The following MFSD11 variants were observed in gnomAD, a reference collection of about 807,000 sequenced individuals.
The protein encoded by MFSD11 is major facilitator superfamily domain containing 11.
Under a neutral mutation model 53.5 loss-of-function variants are expected in MFSD11, and 36 were observed. That is an observed-to-expected ratio of 0.67 (90% confidence interval 0.52 to 0.89). The LOEUF is 0.89. Ranked by LOEUF, MFSD11 falls within the 40% of genes least tolerant of loss-of-function variation. The pLI is 0.00. For missense variants in MFSD11, 530 were observed against 543.9 expected (o/e 0.97, Z 0.25); for synonymous variants, 186 against 184.9 (o/e 1.01, Z -0.05).
chr17:76,796,975 C>A, the MFSD11 span, among the ~76,000 whole-genome samples: 1 of 152,104 alleles, frequency 6.6e-6, no homozygotes, highest in Non-Finnish European at 1.5e-5. Flanking sequence ...CGAGACCAGC[C>A]TGACCAACAT....
At chr17:76,789,123 C>T in the MFSD11 span, among the ~76,000 whole-genome samples, 1 of 149,976 alleles carries the variant, frequency 6.7e-6, no homozygotes, top group African/African-American at 2.4e-5. Flanking sequence ...GCCTGGGTGA[C>T]AGAGTGAGAC....
intron 8 of MFSD11, among the ~76,000 whole-genome samples, chr17:76,755,782 G>GTATACATATATATATATATATA (rs1234863900): frequency 6.9e-5 from 2 of 29,168 alleles, no homozygotes; most frequent in African/African-American, 6.6e-5. Context: ...GTGTGTGTGT[G>GTATACATATATATATATATATA]TGTGTATACA....
In MFSD11 at chr17:76,738,331, C is replaced by T; in HGVS notation, c.-22C>T. 6.3e-7 allele frequency: 1 copy of T among 1,577,712 alleles called. No individual in the cohort carries two copies. The highest frequency in any genetic ancestry group is 8.7e-7 in the Non-Finnish European group (1 of 1,147,070). ...GAGAGCTGACTGCCCTGGGCTGCTG[C>T]CTCCGGCAGAGCTGAGCCAAAATGT... is the stretch of plus-strand genomic sequence containing the variant. On this transcript the variant is annotated 5_prime_UTR_variant, in exon 1 of 13. Transcript: ENST00000685175.
At chr17:76,795,410 A>G in the MFSD11 span, among the ~76,000 whole-genome samples, 1 of 151,722 alleles carries the variant, frequency 6.6e-6, no homozygotes, top group African/African-American at 2.4e-5. Flanking sequence ...AATTGCTTGA[A>G]CCTGGGAGAT....
downstream of MFSD11, among the ~76,000 whole-genome samples, chr17:76,781,820 T>C (rs574168454): frequency 1.3e-5 from 2 of 152,250 alleles, no homozygotes; most frequent in African/African-American, 4.8e-5. Context: ...ATTTTCAGTT[T>C]CGTACTCACT....
intron 2 of MFSD11, among the ~76,000 whole-genome samples, chr17:76,740,570 G>A (rs935576443): frequency 1.3e-5 from 2 of 152,132 alleles, no homozygotes; most frequent in Admixed American, 6.5e-5. Flanking sequence ...TGGACTTTTG[G>A]CAAATTACTT....
chr17:76,801,333 C>A, the MFSD11 span, among the ~76,000 whole-genome samples: 2 of 133,748 alleles, frequency 1.5e-5, no homozygotes, highest in Admixed American at 1.7e-4. Flanking sequence ...GCCTGCACTC[C>A]TAGCCAGGGG....
chr17:76,738,111 C>T, upstream of MFSD11: 2 of 506,112 alleles, frequency 4.0e-6, no homozygotes, highest in East Asian at 3.1e-5. Flanking sequence ...GGCGCTTCTC[C>T]GGGGGTTGTG....
At position 76,776,996 on chromosome 17, in the gene MFSD11, C is replaced by T. The variant is rs114379508; in HGVS notation, c.1185+455C>T. On this transcript the variant is annotated intron_variant, in intron 12 of 12. Transcript: ENST00000685175. This position sits in a 1 kb window ranked among gnomAD's most constrained non-coding sequence, Gnocchi z 4.2. ...TTTTTTAAAGACAAAGTCGGCCCGC[C>T]GCGGCTCACACTTGTAATCCCAGCA... Among the ~76,000 whole-genome samples, 700 of 151,816 alleles carry T rather than the reference C, an allele frequency of 4.6e-3. 9 individuals carry two copies. Among genetic ancestry groups the T allele is most frequent in the African/African-American group, 0.016 (646 of 41,442 alleles).
At chr17:76,774,007 C>T (rs771413580) in intron 10 of MFSD11, among the ~76,000 whole-genome samples, 4 of 152,068 alleles carry the variant, frequency 2.6e-5, no homozygotes, top group Non-Finnish European at 5.9e-5. Context: ...TTCACTGCAA[C>T]ATCTGCCCCC....
Position 76,738,882 on chromosome 17 carries a change from A to G in MFSD11, c.97-56A>G. 10 of 1,388,174 alleles carry G rather than the reference A, an allele frequency of 7.2e-6. No homozygotes were observed. In the South Asian group the frequency reaches 1.2e-4, roughly 16 times the overall value. 86.0% of individuals were successfully genotyped at this position (1,388,174 alleles called of 1,614,324 possible). A position where few individuals can be genotyped will look rare whatever the true frequency, so the allele number is the denominator to read the frequency against. On this transcript the variant is annotated intron_variant, in intron 1 of 12. Coordinates refer to ENST00000685175, the MANE Select transcript of MFSD11 (RefSeq NM_001242532.5). ...TGAGTACTTGGAGTCACACTTCCCA[A>G]GGGTGGGAGGGAGACTGCAAAACAT...
intron 8 of MFSD11, among the ~76,000 whole-genome samples, chr17:76,761,016 C>A (rs1176124702): frequency 6.6e-6 from 1 of 151,814 alleles, no homozygotes; most frequent in Admixed American, 6.6e-5. Flanking sequence ...CCAGCCTAGC[C>A]AACATGGCAA....
chr17:76,760,727 T>G (rs1214581346), intron 8 of MFSD11, among the ~76,000 whole-genome samples: 1 of 151,904 alleles, frequency 6.6e-6, no homozygotes, highest in Non-Finnish European at 1.5e-5. Context: ...AGTGGGGTTT[T>G]GTTATGTTGG....
chr17:76,774,260 TC>T (rs2081620556), intron 10 of MFSD11, among the ~76,000 whole-genome samples: 1 of 152,126 alleles, frequency 6.6e-6, no homozygotes, highest in Non-Finnish European at 1.5e-5. Context: ...ATTTTTTCTT[TC>T]TTTTTTTAAA....
rs2077775642 is a variant in MFSD11, at chr17:76,738,950, A to G, written c.109A>G (p.Arg37Gly). ...ATCTTCCACACAGCAAACTGTCATCAGGAGCTTAAATAGGACAGATTTTCA... is the reference window on the plus strand; with the variant it reads ...ATCTTCCACACAGCAAACTGTCATCGGGAGCTTAAATAGGACAGATTTTCA... The part of the protein sequence containing the change: ...TCGNVAQTVI[R>G]SLNRTDFHGS... The change falls in exon 2 of 13, where the codon AGG becomes GGG. Residue 37 changes from arginine (R) to glycine (G), a missense_variant. Coordinates refer to ENST00000685175, the MANE Select transcript of MFSD11 (RefSeq NM_001242532.5). The G allele has an allele frequency of 1.9e-6, 3 of 1,613,868 alleles. No individual in the cohort carries two copies. The highest frequency in any genetic ancestry group is 1.7e-5 in the Admixed American group (1 of 60,014).
intron 7 of MFSD11, among the ~76,000 whole-genome samples, chr17:76,748,381 A>G (rs1228505112): frequency 6.6e-6 from 1 of 152,168 alleles, no homozygotes. Flanking sequence ...GAAGAGGTCC[A>G]AAGAGACAGC....
At chr17:76,765,149 A>G (rs1316357719) in intron 8 of MFSD11, among the ~76,000 whole-genome samples, 1 of 152,100 alleles carries the variant, frequency 6.6e-6, no homozygotes, top group Non-Finnish European at 1.5e-5. Flanking sequence ...TCTTACATTT[A>G]GGTCTGTGAT....
At chr17:76,747,859 C>T (rs1244012986) in intron 7 of MFSD11, 1 of 152,170 alleles carries the variant, frequency 6.6e-6, no homozygotes, top group Non-Finnish European at 1.5e-5. Flanking sequence ...AAATACTGCT[C>T]AGCCTTTGTA....
In MFSD11 at chr17:76,767,395, T is replaced by A. The variant is rs1184428545; in HGVS notation, c.692T>A (p.Phe231Tyr). The A allele has an allele frequency of 6.3e-7, 1 of 1,597,478 alleles. No homozygotes were observed. Among genetic ancestry groups the A allele is most frequent in the Admixed American group, 1.7e-5 (1 of 59,342 alleles). ...ATTTTTGTGTTTACAGAAAAGTCTTTTAAGTTATGTGTCACCAAGGAGATG... is the reference window on the plus strand; with the variant it reads ...ATTTTTGTGTTTACAGAAAAGTCTTATAAGTTATGTGTCACCAAGGAGATG... ...TKAVDAFKKS[F>Y]KLCVTKEMLL... Residue 231 changes from phenylalanine to tyrosine, a missense_variant, in exon 9 of 13, where the codon TTT becomes TAT. Transcript: ENST00000685175.
Sources: gnomAD v4.1 joint callset for allele counts (sites outside exome capture counted in the v4.1 genomes callset) on GRCh38, gnomAD v4.1.1 for gene constraint, Gnocchi (gnomAD v3.1) non-coding constraint, MANE v1.5 for transcripts, NCBI Gene and HGNC (gene_info 2026-07-23, HGNC 2026-07-21) for gene names.